The following DNAH9 variants were observed in gnomAD, a reference collection of about 807,000 sequenced individuals.
DNAH9 encodes the protein DNAH9 variant protein.
A neutral mutation model predicts 471.6 loss-of-function variants in DNAH9; 345 were observed. That is an observed-to-expected ratio of 0.73 (90% CI 0.67 to 0.80). DNAH9 has a LOEUF of 0.80. Ranked by LOEUF, DNAH9 falls within the 30% of genes least tolerant of loss-of-function variation. The pLI is 0.00. For missense variants in DNAH9, 5,407 were observed against 5,609.2 expected, an observed-to-expected ratio of 0.96 and a Z score of 1.15; for synonymous variants, 2,093 against 2,123.6, an observed-to-expected ratio of 0.99 and a Z score of 0.40.
At chr17:11,704,009 C>T (rs538335609) in intron 24 of DNAH9, among the ~76,000 whole-genome samples, 194 bp from the exon 25 acceptor site, 2 of 152,318 alleles carry the variant, frequency 1.3e-5, no homozygotes, top group East Asian at 3.9e-4. Flanking sequence ...AGTGCTTTTC[C>T]CACCTGTACC....
chr17:11,654,312 C>CAT (rs2073582911), intron 14 of DNAH9, among the ~76,000 whole-genome samples: 2 of 46,562 alleles, frequency 4.3e-5, no homozygotes, highest in South Asian at 7.3e-4. Context: ...GCCGAGATTG[C>CAT]GCCACTGCAC....
In DNAH9 at chr17:11,891,866, A is replaced by G; in HGVS notation, c.11202A>G (p.Ile3734Met). 6.2e-7 allele frequency: 1 copy of G among 1,614,094 alleles called. No homozygotes were observed. The highest frequency in any genetic ancestry group is 8.5e-7 in the Non-Finnish European group (1 of 1,180,008). Residue 3734 changes from isoleucine (I) to methionine (M), a missense_variant, in exon 58 of 69, where the codon ATA (isoleucine) becomes ATG (methionine). This residue lies in a region of DNAH9 where 4,636 missense variants were observed against 4,900.3 expected (regional missense o/e 0.95). Transcript: ENST00000262442. ...RERVANLIDS[I>M]TFSVYQYTIR... ...GGGTGGCCAACCTAATAGACAGCAT[A>G]ACCTTCTCTGTGTACCAGTACACCA...
chr17:11,784,339 G>A lies in DNAH9; in HGVS notation c.7861G>A (p.Asp2621Asn), dbSNP rs1394606403. Residue 2621 changes from aspartate to asparagine, a missense_variant, in exon 41 of 69, where the codon GAT becomes AAT. Asp to Asn is a conservative substitution (Grantham distance 23). Transcript: ENST00000262442. ...GTTTGTCCTCTCCTTCCCGGGGGCA[G>A]ATGCCCTGTCCTCTATCTACAGCAT... The part of the protein sequence containing the change: ...SVFVLSFPGA[D>N]ALSSIYSIIL... The A allele has an allele frequency of 6.2e-7, 1 of 1,614,194 alleles. No individual in the cohort carries two copies. The highest frequency in any genetic ancestry group is 8.5e-7 in the Non-Finnish European group (1 of 1,180,040).
chr17:11,616,114 G>A (rs998139926), intron 4 of DNAH9, among the ~76,000 whole-genome samples: 1 of 152,134 alleles, frequency 6.6e-6, no homozygotes, highest in African/African-American at 2.4e-5. Context: ...ACTCTGGGTC[G>A]TCTTCCTTTT....
intron 49 of DNAH9, among the ~76,000 whole-genome samples, chr17:11,839,299 G>C (rs866107271): frequency 1.3e-5 from 2 of 151,642 alleles, no homozygotes; most frequent in Non-Finnish European, 2.9e-5. Flanking sequence ...GGCGGATCAC[G>C]AGGTCAGGAG....
chr17:11,962,243 G>C lies in DNAH9; in HGVS notation c.13220G>C (p.Cys4407Ser). The C allele has an allele frequency of 6.2e-7, 1 of 1,605,214 alleles. No individual in the cohort carries two copies. Among genetic ancestry groups the C allele is most frequent in the Non-Finnish European group, 8.5e-7 (1 of 1,175,478 alleles). ...CATGGCCTCTTCATGGAAGGTGCCT[G>C]CTGGGACACACAGGTAAAGCTTGGA... ...YIHGLFMEGA[C>S]WDTQAGIITE... is the part of the protein sequence containing the mutation. Residue 4407 changes from cysteine to serine, a missense_variant, in exon 68 of 69, where the codon TGC becomes TCC. By Grantham distance (112) the Cys-to-Ser change is moderately radical. Coordinates refer to ENST00000262442, the MANE Select transcript of DNAH9 (RefSeq NM_001372.4). This position sits in a 1 kb window ranked among gnomAD's most constrained non-coding sequence, Gnocchi z 4.1.
chr17:11,828,976 G>T (rs74528226), intron 48 of DNAH9, among the ~76,000 whole-genome samples: 1 of 152,144 alleles, frequency 6.6e-6, no homozygotes, highest in South Asian at 2.1e-4. Flanking sequence ...TAAATGGATA[G>T]GTGAATAGAT....
In DNAH9 at chr17:11,617,709, T is replaced by G. The variant is rs1312842036; in HGVS notation, c.1116+87T>G. 3.3e-6 allele frequency: 3 copies of G among 916,806 alleles called. No individual in the cohort carries two copies. In the East Asian group the frequency reaches 7.2e-5, roughly 22 times the overall value. The allele number at this position is 916,806 out of a possible 1,614,324, so 56.8% of individuals were successfully genotyped here. ...GAGAGAAGAGACAAGTGTCCTTTTT[T>G]CTGGGCGAGGAAATAATTATGTTCC... On this transcript the variant is annotated intron_variant, in intron 5 of 68. Transcript: ENST00000262442.
intron 50 of DNAH9, among the ~76,000 whole-genome samples, chr17:11,856,595 A>C (rs1355314603): frequency 1.3e-5 from 2 of 151,042 alleles, no homozygotes; most frequent in African/African-American, 4.9e-5. Flanking sequence ...AGTCCCAGCT[A>C]CTTAGGAGGC....
At chr17:11,849,555 G>A (rs1413123843) in intron 49 of DNAH9, among the ~76,000 whole-genome samples, 1 of 152,158 alleles carries the variant, frequency 6.6e-6, no homozygotes, top group African/African-American at 2.4e-5. Flanking sequence ...TTCTGCCACA[G>A]GCCTTTACAC....
chr17:11,640,490 A>T, intron 10 of DNAH9, 106 bp downstream of exon 10: 1 of 803,098 alleles, frequency 1.2e-6, no homozygotes, highest in Non-Finnish European at 2.2e-6. Context: ...CCAGAAAATC[A>T]TCTTCCTTTC....
intron 45 of DNAH9, among the ~76,000 whole-genome samples, chr17:11,814,070 A>G (rs1386913295): frequency 6.6e-6 from 1 of 152,178 alleles, no homozygotes; most frequent in African/African-American, 2.4e-5. Context: ...TGGATCTGAA[A>G]GGTTCATTAC....
chr17:11,945,874 T>C (rs978619426), intron 67 of DNAH9, among the ~76,000 whole-genome samples: 4 of 151,076 alleles, frequency 2.6e-5, no homozygotes, highest in Non-Finnish European at 4.4e-5. Flanking sequence ...CTGGCTAGCA[T>C]GGTGAAACCC....
chr17:11,737,912 A>T (rs752074934), intron 28 of DNAH9, among the ~76,000 whole-genome samples: 8 of 152,222 alleles, frequency 5.3e-5, no homozygotes, highest in Non-Finnish European at 7.3e-5. Context: ...GGATGGTCAC[A>T]TGGGTATCCC....
At position 11,892,717 on chromosome 17, in the gene DNAH9, AT is replaced by A. The variant is rs940218729; in HGVS notation, c.11283+778del. ...AGGTGTGCGCCACCAGGCCCAGCGAATTTTTTTTGTATTTTAAGTAGAGATG... is the reference window on the plus strand; with the variant it reads ...AGGTGTGCGCCACCAGGCCCAGCGAATTTTTTTGTATTTTAAGTAGAGATG... On this transcript the variant is annotated intron_variant, in intron 58 of 68. Transcript: ENST00000262442. The surrounding 1 kb of genome is among the most constrained non-coding windows in gnomAD (Gnocchi z 4.3). Among the ~76,000 whole-genome samples the A allele has an allele frequency of 1.3e-5, 2 of 151,478 alleles. No homozygotes were observed. The highest frequency in any genetic ancestry group is 2.0e-4 in the East Asian group (1 of 5,124).
chr17:11,607,301 T>C (rs930487131), intron 1 of DNAH9, among the ~76,000 whole-genome samples: 1 of 152,178 alleles, frequency 6.6e-6, no homozygotes, highest in African/African-American at 2.4e-5. Flanking sequence ...CAGCAGTTTT[T>C]CAGTCAACAT....
At chr17:11,605,870 C>T (rs1462313867) in intron 1 of DNAH9, among the ~76,000 whole-genome samples, 2 of 152,078 alleles carry the variant, frequency 1.3e-5, no homozygotes, top group Admixed American at 6.5e-5. Context: ...CCCTTAAAAC[C>T]CCCACTCAAA....
At chr17:11,768,309 C>T in intron 36 of DNAH9, 144 bp from the exon 37 acceptor site, 1 of 832,068 alleles carries the variant, frequency 1.2e-6, no homozygotes, top group Non-Finnish European at 1.9e-6. Flanking sequence ...GCGCTGCCTT[C>T]CTGGAGGAGC....
chr17:11,928,234 G>T (rs1974395950), intron 62 of DNAH9, among the ~76,000 whole-genome samples: 1 of 152,036 alleles, frequency 6.6e-6, no homozygotes, highest in African/African-American at 2.4e-5. Flanking sequence ...GCCTCCCAAA[G>T]TGCTGGGATT....
Sources: allele counts gnomAD v4.1 joint callset (sites outside exome capture counted in the v4.1 genomes callset), GRCh38; gene constraint gnomAD v4.1.1; regional missense constraint gnomAD v4.1.1; non-coding constraint Gnocchi (gnomAD v3.1); transcripts MANE v1.5; gene names NCBI Gene and HGNC (gene_info 2026-07-23, HGNC 2026-07-21).